C21orf58: variants seen among roughly 807,000 people sequenced by gnomAD.
C21orf58 encodes the protein uncharacterized protein C21orf58.
A neutral mutation model predicts 35.8 loss-of-function variants in C21orf58; 34 were observed. The observed-to-expected ratio is 0.95, with a 90% CI of 0.72 to 1.26. The LOEUF (loss-of-function observed/expected upper bound fraction) is 1.26, where lower values mean the gene tolerates loss of function less well. C21orf58 is among the 50% of genes most tolerant of loss of function. C21orf58 has a pLI of 0.00. For missense variants in C21orf58, 440 were observed against 414.3 expected, an observed-to-expected ratio of 1.06 and a Z score of -0.54; for synonymous variants, 191 against 175.8, an observed-to-expected ratio of 1.09 and a Z score of -0.68.
chr21:46,311,154 G>C (rs1026426798), intron 6 of C21orf58, among the ~76,000 whole-genome samples: 3 of 152,074 alleles, frequency 2.0e-5, no homozygotes, highest in Non-Finnish European at 4.4e-5. Flanking sequence ...ACAAGCGTGA[G>C]CCACCGAGCC....
chr21:46,322,666 G>C lies in C21orf58; in HGVS notation c.73C>G (p.Pro25Ala). 1.3e-6 allele frequency: 2 copies of C among 1,594,478 alleles called. No homozygotes were observed. Among genetic ancestry groups the C allele is most frequent in the Non-Finnish European group, 1.7e-6 (2 of 1,170,188 alleles). The change falls in exon 1 of 8, where the codon CCT becomes GCT. Residue 25 changes from proline (P) to alanine (A), a missense_variant. Physicochemically the swap from Pro to Ala is conservative, Grantham distance 27 (BLOSUM62 -1). Coordinates refer to ENST00000291691, the MANE Select transcript of C21orf58 (RefSeq NM_058180.5). ...CACAGAAGACTGTGGCCTGAGTCAG[G>C]AGAAGGAAGTTTCTGGCGGTCGAGC... ...WKLDRQKLPSPDSGHSLLCGW... is the reference protein window; with the variant it reads ...WKLDRQKLPSADSGHSLLCGW...
rs1355781565 is a variant in C21orf58 at position 46,302,061 on chromosome 21, G to A, written c.907C>T (p.Pro303Ser). Residue 303 changes from proline to serine, a missense_variant, in exon 8 of 8, where the codon CCA becomes TCA. Pro to Ser is a moderately conservative substitution (Grantham distance 74). Coordinates refer to ENST00000291691, the MANE Select transcript of C21orf58 (RefSeq NM_058180.5). Reference sequence around the variant, plus strand: ...TGGAGGACAGTGGCAGCCCCAGGTGGCCACACAGCATGGTGGTGGTGGTGG... The same window carrying A: ...TGGAGGACAGTGGCAGCCCCAGGTGACCACACAGCATGGTGGTGGTGGTGG... ...HHHHHHHAVW[P>S]PGAATVLQPA... is the part of the protein sequence containing the mutation. 4.6e-6 allele frequency: 7 copies of A among 1,527,992 alleles called. No individual in the cohort carries two copies. Among genetic ancestry groups the A allele is most frequent in the Non-Finnish European group, 6.2e-6 (7 of 1,137,452 alleles). The allele number at this position is 1,527,992 out of a possible 1,614,324, so 94.7% of individuals were successfully genotyped here.
At chr21:46,320,820 C>G (rs148238699) in intron 1 of C21orf58, 1 of 152,250 alleles carries the variant, frequency 6.6e-6, no homozygotes, top group Non-Finnish European at 1.5e-5. Flanking sequence ...TTTTCCTCTC[C>G]TCTTTCTCTT....
chr21:46,301,635 C>A lies in C21orf58; in HGVS notation c.*364G>T. The A allele has an allele frequency of 9.4e-7, 1 of 1,069,504 alleles. No homozygotes were observed. Among genetic ancestry groups the A allele is most frequent in the Non-Finnish European group, 1.1e-6 (1 of 884,700 alleles). The allele number at this position is 1,069,504 out of a possible 1,614,324, so 66.3% of individuals were successfully genotyped here. A position where few individuals can be genotyped will look rare whatever the true frequency, so the allele number is the denominator to read the frequency against. On this transcript the variant is annotated 3_prime_UTR_variant, in exon 8 of 8. Coordinates refer to ENST00000291691, the MANE Select transcript of C21orf58 (RefSeq NM_058180.5). ...TGGATGAAATCTTTATTTCATCAGGCTGGTGGCGTCCACGGCCTCAACTTT... is the reference window on the plus strand; with the variant it reads ...TGGATGAAATCTTTATTTCATCAGGATGGTGGCGTCCACGGCCTCAACTTT...
intron 5 of C21orf58, 93 bp downstream of exon 5, chr21:46,314,623 C>T (rs112216036): frequency 1.1e-5 from 12 of 1,050,624 alleles, no homozygotes; most frequent in African/African-American, 3.2e-5. Context: ...GAGGCAACCT[C>T]GCTGCAGGCA....
intron 6 of C21orf58, among the ~76,000 whole-genome samples, chr21:46,305,766 C>T (rs796366499): frequency 4.6e-5 from 7 of 151,782 alleles, no homozygotes; most frequent in African/African-American, 1.7e-4. Flanking sequence ...GGTGAAACCC[C>T]GTCTCTACTA....
At chr21:46,307,864 C>T (rs1338923747) in intron 6 of C21orf58, among the ~76,000 whole-genome samples, 1 of 152,124 alleles carries the variant, frequency 6.6e-6, no homozygotes, top group African/African-American at 2.4e-5. Context: ...ACCACTGCAT[C>T]CTGTTAAAAT....
intron 2 of C21orf58, 136 bp from the exon 3 acceptor site, chr21:46,317,404 C>T (rs914712915): frequency 1.0e-5 from 15 of 1,483,834 alleles, no homozygotes; most frequent in South Asian, 3.7e-5. Context: ...GGCCAACAGG[C>T]GGGAGTCAAG....
At position 46,315,515 on chromosome 21, in the gene C21orf58, T is replaced by C. The variant is rs745887032; in HGVS notation, c.403A>G (p.Thr135Ala). 1 of 1,612,418 alleles carries C rather than the reference T, an allele frequency of 6.2e-7. No individual in the cohort carries two copies. Among genetic ancestry groups the C allele is most frequent in the Admixed American group, 1.7e-5 (1 of 60,020 alleles). Residue 135 changes from threonine (T) to alanine (A), a missense_variant, in exon 4 of 8, where the codon ACT (threonine) becomes GCT (alanine). Coordinates refer to ENST00000291691, the MANE Select transcript of C21orf58 (RefSeq NM_058180.5). ...AGGTCCCTCCTTCTCTTCAGAGCAG[T>C]CTGCAGGGCATCGTCCGGCCGGTCC... is the stretch of plus-strand genomic sequence containing the variant. ...NEDRPDDALQ[T>A]ALKRRRDLLQ...
At chr21:46,303,898 C>G (rs916966466) in intron 6 of C21orf58, among the ~76,000 whole-genome samples, 1 of 148,150 alleles carries the variant, frequency 6.7e-6, no homozygotes. Flanking sequence ...ACTACAGGTG[C>G]CCGCCACTGC....
Position 46,314,131 on chromosome 21 carries a change from G to GTTTTTTTTGTTTGT in C21orf58, c.609+584_609+585insACAAACAAAAAAAA, listed in dbSNP as rs1555930175. On this transcript the variant is annotated intron_variant, in intron 5 of 7. Coordinates refer to ENST00000291691, the MANE Select transcript of C21orf58 (RefSeq NM_058180.5). ...TTAAGCATCTCCTGGGCATGATAAA[G>GTTTTTTTTGTTTGT]TTTTTTTTTTGAGATGGAGTCTTGT... Among the ~76,000 whole-genome samples the GTTTTTTTTGTTTGT allele has an allele frequency of 5.6e-3, 816 of 145,092 alleles. 13 individuals carry two copies. Among genetic ancestry groups the GTTTTTTTTGTTTGT allele is most frequent in the African/African-American group, 0.019 (760 of 40,156 alleles).
At chr21:46,303,047 C>T (rs1471865524) in intron 6 of C21orf58, among the ~76,000 whole-genome samples, 1 of 152,120 alleles carries the variant, frequency 6.6e-6, no homozygotes, top group Non-Finnish European at 1.5e-5. Context: ...GCCTGTAATC[C>T]CAGCTCCTTG....
chr21:46,300,888 A>C, downstream of C21orf58: 1 of 993,308 alleles, frequency 1.0e-6, no homozygotes, highest in Non-Finnish European at 1.3e-6. Context: ...CCAAAAAAAA[A>C]AGTAACAAAA....
intron 6 of C21orf58, among the ~76,000 whole-genome samples, chr21:46,308,905 G>C (rs925192864): frequency 2.0e-5 from 3 of 152,156 alleles, no homozygotes; most frequent in Non-Finnish European, 4.4e-5. Context: ...CCCTTGCCAC[G>C]TGATGCCTCC....
chr21:46,306,674 A>C (rs2082432577), intron 6 of C21orf58, among the ~76,000 whole-genome samples: 1 of 151,166 alleles, frequency 6.6e-6, no homozygotes, highest in South Asian at 2.1e-4. Flanking sequence ...TGCAGCCTCC[A>C]CCTCCTGGGT....
At chr21:46,310,590 C>T (rs2082636888) in intron 6 of C21orf58, among the ~76,000 whole-genome samples, 1 of 151,892 alleles carries the variant, frequency 6.6e-6, no homozygotes, top group Non-Finnish European at 1.5e-5. Context: ...GGGCGGATCA[C>T]CTGAGGTTGG....
chr21:46,317,167 CGTCT>C (rs1569135740), intron 3 of C21orf58, 37 bp downstream of exon 3: 2 of 1,590,314 alleles, frequency 1.3e-6, no homozygotes, highest in African/African-American at 1.3e-5. Flanking sequence ...GCTACACTTG[CGTCT>C]GTCTGTGCTG....
chr21:46,314,863 G>T lies in C21orf58; in HGVS notation c.462C>A (p.Asp154Glu). 1 of 1,550,432 alleles carries T rather than the reference G, an allele frequency of 6.4e-7. No individual in the cohort carries two copies. The highest frequency in any genetic ancestry group is 1.2e-5 in the South Asian group (1 of 84,054). Residue 154 changes from aspartate to glutamate, a missense_variant, in exon 5 of 8, where the codon GAC (aspartate) becomes GAA (glutamate). Transcript: ENST00000291691. ...TCCAGGCCTGGGCCCGAGAGAGCTC[G>T]TCCAGGAGGTGTTGTTCCTGCAAGG... ...LQRLREQHLLDELSRAQAWSG... is the reference protein window; with the variant it reads ...LQRLREQHLLEELSRAQAWSG...
chr21:46,313,127 G>A lies in C21orf58; in HGVS notation c.610-1560C>T, dbSNP rs548303456. ...AACAGCTTCCAAAGCAGGACACACC[G>A]TCAGCTCTTGAGTTGGCCATTGCAG... On this transcript the variant is annotated intron_variant, in intron 5 of 7. Transcript: ENST00000291691. 1.9e-4 allele frequency: 171 copies of A among 913,092 alleles called. No homozygotes were observed. In the South Asian group the frequency reaches 3.6e-3, roughly 19 times the overall value. 56.6% of individuals were successfully genotyped at this position (913,092 alleles called of 1,614,324 possible).
Sources: gnomAD v4.1 joint callset for allele counts (sites outside exome capture counted in the v4.1 genomes callset) on GRCh38, gnomAD v4.1.1 for gene constraint, MANE v1.5 for transcripts, NCBI Gene and HGNC (gene_info 2026-07-23, HGNC 2026-07-21) for gene names.